LMO7: variants seen among roughly 807,000 people sequenced by gnomAD.
LMO7 encodes the protein LIM domain 7.
In LMO7, 120 loss-of-function variants were observed where a neutral mutation model predicts 206.5. The observed-to-expected ratio is 0.58, with a 90% CI of 0.50 to 0.68. The LOEUF is 0.68. LMO7 is among the 30% of genes least tolerant of loss of function. The pLI, the probability that LMO7 is intolerant of heterozygous loss-of-function variation, is 0.00. For synonymous variants in LMO7, 706 were observed against 681.5 expected, an observed-to-expected ratio of 1.04 and a Z score of -0.56; for missense variants, 1,959 against 1,957.9, an observed-to-expected ratio of 1.00 and a Z score of -0.01.
At position 75,636,492 on chromosome 13, in the gene LMO7, C is replaced by A; in HGVS notation, c.-166C>A. On this transcript the variant is annotated 5_prime_UTR_variant, in exon 1 of 31. Transcript: ENST00000377534. Reference sequence around the variant, plus strand: ...GTAGGTTCGAGACCTTAACGAACTGCAGAGCGCAACAAAGGGAACTAGAGC... The same window carrying A: ...GTAGGTTCGAGACCTTAACGAACTGAAGAGCGCAACAAAGGGAACTAGAGC... 6.8e-7 allele frequency: 1 copy of A among 1,471,422 alleles called. No homozygotes were observed. The highest frequency in any genetic ancestry group is 8.9e-7 in the Non-Finnish European group (1 of 1,122,182). The allele number at this position is 1,471,422 out of a possible 1,614,324, so 91.1% of individuals were successfully genotyped here. A position where few individuals can be genotyped will look rare whatever the true frequency, so the allele number is the denominator to read the frequency against.
chr13:75,626,467 T>C (rs1215919807), intron 2 of LMO7, among the ~76,000 whole-genome samples: 1 of 149,664 alleles, frequency 6.7e-6, no homozygotes, highest in African/African-American at 2.5e-5. Context: ...TTCAATTACC[T>C]CCCCCTGGGT....
upstream of LMO7, among the ~76,000 whole-genome samples, chr13:75,633,840 CCTTTTTTTTTTTTTT>C (rs2035339313): frequency 2.7e-5 from 3 of 111,274 alleles, no homozygotes; most frequent in Admixed American, 2.1e-4. Flanking sequence ...CGTGTCTTTT[CCTTTTTTTTTTTTTT>C]TTTTTTTTTT....
intron 4 of LMO7, among the ~76,000 whole-genome samples, chr13:75,786,476 G>A (rs147457412): frequency 2.5e-4 from 38 of 150,816 alleles, no homozygotes; most frequent in African/African-American, 8.1e-4. Context: ...CCAAGTTCAC[G>A]CCACTCTCCT....
intron 1 of LMO7, among the ~76,000 whole-genome samples, chr13:75,706,259 G>C (rs1226704575): frequency 6.6e-6 from 1 of 152,140 alleles, no homozygotes; most frequent in Non-Finnish European, 1.5e-5. Context: ...ACATCATGTT[G>C]TGACCTTAAG....
At chr13:75,754,185 TTCC>T (rs984541655) in intron 3 of LMO7, among the ~76,000 whole-genome samples, 4 of 152,348 alleles carry the variant, frequency 2.6e-5, no homozygotes, top group African/African-American at 9.6e-5. Flanking sequence ...TTCTCCCCAT[TTCC>T]TCCTCCTCCA....
rs2061155968 is a variant in LMO7 at position 75,859,418 on chromosome 13, G to A, written c.*1475G>A. 1 of 152,124 alleles carries A rather than the reference G, an allele frequency of 6.6e-6. No individual in the cohort carries two copies. The highest frequency in any genetic ancestry group is 1.5e-5 in the Non-Finnish European group (1 of 68,026). 9.4% of individuals were successfully genotyped at this position (152,124 alleles called of 1,614,324 possible). ...ATATAATTATTTATAAGTATAGATT[G>A]TGAATTTTTCCATGTTCTTAAAATT... On this transcript the variant is annotated 3_prime_UTR_variant, in exon 31 of 31. Transcript: ENST00000377534.
chr13:75,721,558 T>TAA (rs2044019361), intron 2 of LMO7, among the ~76,000 whole-genome samples: 1 of 152,208 alleles, frequency 6.6e-6, no homozygotes, highest in South Asian at 2.1e-4. Context: ...TTGTTTTGTT[T>TAA]AACAAAATTG....
chr13:75,639,600 C>T (rs2036312133), intron 1 of LMO7, among the ~76,000 whole-genome samples: 1 of 152,154 alleles, frequency 6.6e-6, no homozygotes, highest in African/African-American at 2.4e-5. Context: ...AATTTTAGGC[C>T]TCTTCTGCAG....
rs2060994634 is a variant in LMO7, at chr13:75,856,745, T to G, written c.4873+137T>G. On this transcript the variant is annotated intron_variant, in intron 30 of 30. Coordinates refer to ENST00000377534, the MANE Select transcript of LMO7 (RefSeq NM_001306080.2). ...TCCAGGTTTCAAGAATTGTAGTGTG[T>G]TCCCTTCAAAGAGTGTGTATAGTGA... 6.3e-6 allele frequency: 4 copies of G among 630,596 alleles called. No homozygotes were observed. In the Admixed American group the frequency reaches 9.2e-5, roughly 14 times the overall value. 39.1% of individuals were successfully genotyped at this position (630,596 alleles called of 1,614,324 possible). A position where few individuals can be genotyped will look rare whatever the true frequency, so the allele number is the denominator to read the frequency against.
chr13:75,639,853 A>G (rs2036347382), intron 1 of LMO7, among the ~76,000 whole-genome samples: 1 of 152,194 alleles, frequency 6.6e-6, no homozygotes, highest in African/African-American at 2.4e-5. Flanking sequence ...CTTTCTGCTC[A>G]CCTGCCCTTC....
chr13:75,741,178 T>C (rs2046381748), intron 3 of LMO7, among the ~76,000 whole-genome samples: 1 of 152,252 alleles, frequency 6.6e-6, no homozygotes, highest in Admixed American at 6.5e-5. Context: ...TGAGCCACTC[T>C]CACAATTTGT....
upstream of LMO7, among the ~76,000 whole-genome samples, chr13:75,634,515 C>T (rs1425625638): frequency 6.6e-6 from 1 of 151,920 alleles, no homozygotes; most frequent in Non-Finnish European, 1.5e-5. Context: ...ACGAGGCAGG[C>T]GGATCACGAG....
At chr13:75,843,056 G>T in intron 25 of LMO7, 140 bp downstream of exon 25, 1 of 636,930 alleles carries the variant, frequency 1.6e-6, no homozygotes, top group Non-Finnish European at 2.8e-6. Flanking sequence ...GTTGATCTTT[G>T]TATCAGTTAG....
chr13:75,765,064 A>T (rs923746209), intron 4 of LMO7, among the ~76,000 whole-genome samples: 2 of 152,166 alleles, frequency 1.3e-5, no homozygotes, highest in Non-Finnish European at 2.9e-5. Context: ...AAAATAAAAG[A>T]GTCTCAAAAT....
chr13:75,794,076 G>A (rs2053655907), intron 4 of LMO7, among the ~76,000 whole-genome samples: 1 of 152,142 alleles, frequency 6.6e-6, no homozygotes, highest in Admixed American at 6.5e-5. Flanking sequence ...CATCTACGCT[G>A]CTTCTAGTTT....
At chr13:75,829,355 A>G (rs2058433732) in intron 15 of LMO7, among the ~76,000 whole-genome samples, 1 of 152,124 alleles carries the variant, frequency 6.6e-6, no homozygotes, top group African/African-American at 2.4e-5. Flanking sequence ...GTAGAAGATA[A>G]TCTTGGAATG....
At chr13:75,758,058 G>A (rs554883260) in intron 3 of LMO7, among the ~76,000 whole-genome samples, 44 of 152,176 alleles carry the variant, frequency 2.9e-4, no homozygotes, top group Admixed American at 1.0e-3. Context: ...CTCATTTCAG[G>A]GATGAGGAAA....
intron 3 of LMO7, among the ~76,000 whole-genome samples, chr13:75,757,378 A>G (rs1038625884): frequency 1.4e-4 from 21 of 152,188 alleles, no homozygotes; most frequent in Non-Finnish European, 1.8e-4. Flanking sequence ...GAAATCATAA[A>G]CACCTATTCC....
intron 2 of LMO7, among the ~76,000 whole-genome samples, chr13:75,717,757 G>C (rs1008617076): frequency 6.6e-6 from 1 of 152,150 alleles, no homozygotes; most frequent in Non-Finnish European, 1.5e-5. Context: ...GGTGACATGG[G>C]TAGGCCCCCT....
Sources: allele counts gnomAD v4.1 joint callset (sites outside exome capture counted in the v4.1 genomes callset), GRCh38; gene constraint gnomAD v4.1.1; transcripts MANE v1.5; gene names NCBI Gene and HGNC (gene_info 2026-07-23, HGNC 2026-07-21).